Variants in COL24A1 observed in about 807,000 individuals in gnomAD.
COL24A1 encodes collagen type XXIV alpha 1 chain, also known as collagen alpha-1(XXIV) chain.
COL24A1 carries 224 observed loss-of-function variants against 253.9 expected under a neutral mutation model. The observed-to-expected ratio is 0.88, with a 90% confidence interval of 0.79 to 0.99. The LOEUF is 0.99. Ranked by LOEUF, COL24A1 falls within the 50% of genes least tolerant of loss-of-function variation. The pLI, the probability that COL24A1 is intolerant of heterozygous loss-of-function variation, is 0.00. For synonymous variants in COL24A1, 685 were observed against 673.7 expected (o/e 1.02, Z -0.26); for missense variants, 2,131 against 2,068.5 (o/e 1.03, Z -0.59).
chr1:85,923,153 C>T (rs1686733942), intron 24 of COL24A1, among the ~76,000 whole-genome samples: 1 of 152,166 alleles, frequency 6.6e-6, no homozygotes, highest in Non-Finnish European at 1.5e-5. Context: ...AATACAAGAG[C>T]ACCCAGATTC....
intron 5 of COL24A1, among the ~76,000 whole-genome samples, chr1:86,101,390 C>CT (rs1704441448): frequency 6.6e-6 from 1 of 152,140 alleles, no homozygotes; most frequent in Admixed American, 6.5e-5. Context: ...TTTCTCTTGC[C>CT]TATTTTGCTC....
chr1:85,986,848 T>G lies in COL24A1; in HGVS notation c.2364+753A>C, dbSNP rs569582265. On this transcript the variant is annotated intron_variant, in intron 20 of 59. Coordinates refer to ENST00000370571, the MANE Select transcript of COL24A1 (RefSeq NM_152890.7). ...GCAGCTACATTTCATAACTTGCCAA[T>G]TCTCCCAACTTCAGGCTATTTCATC... Among the ~76,000 whole-genome samples the G allele has an allele frequency of 4.6e-5, 7 of 151,992 alleles. No homozygotes were observed. The East Asian group carries it at 9.6e-4, about 21-fold the overall frequency.
rs566573700 is a variant in COL24A1, at chr1:85,902,254, G to T, written c.2778+4940C>A. Among the ~76,000 whole-genome samples the T allele has an allele frequency of 9.2e-5, 14 of 152,240 alleles. No homozygotes were observed. In the East Asian group the frequency reaches 2.1e-3, roughly 23 times the overall value. ...AAGCAATAAAGATCCCTCTGGGAGGGCTACCTTCTCCATACCAGTATGAGA... is the reference window on the plus strand; with the variant it reads ...AAGCAATAAAGATCCCTCTGGGAGGTCTACCTTCTCCATACCAGTATGAGA... On this transcript the variant is annotated intron_variant, in intron 28 of 59. Coordinates refer to ENST00000370571, the MANE Select transcript of COL24A1 (RefSeq NM_152890.7).
At chr1:85,818,964 C>CT (rs1673319382) in intron 45 of COL24A1, among the ~76,000 whole-genome samples, 1 of 152,116 alleles carries the variant, frequency 6.6e-6, no homozygotes, top group Non-Finnish European at 1.5e-5. Flanking sequence ...AAAGATGTTA[C>CT]TTTTTTGACA....
chr1:86,117,977 A>T (rs1436407499), intron 3 of COL24A1, among the ~76,000 whole-genome samples: 1 of 152,088 alleles, frequency 6.6e-6, no homozygotes, highest in Non-Finnish European at 1.5e-5. Context: ...TTTCAGGGTT[A>T]TTGTGAGTAT....
At chr1:86,101,375 A>G (rs1005641916) in intron 5 of COL24A1, among the ~76,000 whole-genome samples, 9 of 152,022 alleles carry the variant, frequency 5.9e-5, no homozygotes, top group African/African-American at 1.9e-4. Context: ...GGTGCCCTTT[A>G]TTTCTTTCTC....
intron 19 of COL24A1, among the ~76,000 whole-genome samples, chr1:86,001,692 GA>G (rs879896269): frequency 1.1e-3 from 167 of 151,618 alleles, no homozygotes; most frequent in Non-Finnish European, 1.8e-3. Flanking sequence ...AATTATAGGG[GA>G]AAAAAAAGAG....
chr1:86,133,894 T>C (rs1649748440), intron 2 of COL24A1, among the ~76,000 whole-genome samples: 1 of 152,156 alleles, frequency 6.6e-6, no homozygotes, highest in African/African-American at 2.4e-5. Flanking sequence ...CCTCTTTTTC[T>C]ATTGATTGGA....
chr1:85,959,424 T>C (rs1690796048), intron 24 of COL24A1, among the ~76,000 whole-genome samples: 1 of 152,100 alleles, frequency 6.6e-6, no homozygotes, highest in Non-Finnish European at 1.5e-5. Flanking sequence ...TGAACTAATA[T>C]TAAAATATCC....
At chr1:85,834,801 T>A (rs1053664291) in intron 43 of COL24A1, among the ~76,000 whole-genome samples, 1 of 152,192 alleles carries the variant, frequency 6.6e-6, no homozygotes, top group African/African-American at 2.4e-5. Flanking sequence ...ATTCCCTCCA[T>A]GTCCTCTGGC....
rs1677288192 is a variant in COL24A1, at chr1:85,847,707, C to T, written c.3420G>A (p.Gly1140=). Residue 1140 remains glycine (G), a synonymous_variant, in exon 39 of 60, where the codon GGG becomes GGA. Transcript: ENST00000370571. ...CTCTGGCACCCTTAGGACCACTTTT[C>T]CCAATTTTTCCAGGAGGACCTCTGC... ...VGSRGPPGKI[G]KSGPKGARGT... is the part of the protein sequence containing the mutation. 6.2e-7 allele frequency: 1 copy of T among 1,613,740 alleles called. No homozygotes were observed. Among genetic ancestry groups the T allele is most frequent in the Non-Finnish European group, 8.5e-7 (1 of 1,179,864 alleles).
chr1:85,878,625 T>TAA (rs1681475800), intron 32 of COL24A1, among the ~76,000 whole-genome samples: 1 of 152,232 alleles, frequency 6.6e-6, no homozygotes, highest in Non-Finnish European at 1.5e-5. Context: ...GATCATATGT[T>TAA]AAGAGTATGC....
At chr1:86,140,668 G>C (rs1650947275) in intron 2 of COL24A1, among the ~76,000 whole-genome samples, 1 of 152,206 alleles carries the variant, frequency 6.6e-6, no homozygotes, top group African/African-American at 2.4e-5. Flanking sequence ...TTAAGAATTA[G>C]TTACACATTA....
chr1:86,109,984 TA>T (rs978999992), intron 5 of COL24A1, among the ~76,000 whole-genome samples: 5 of 152,302 alleles, frequency 3.3e-5, no homozygotes, highest in Non-Finnish European at 5.9e-5. Flanking sequence ...CAGTAGATAC[TA>T]AATCTTCTGG....
At chr1:85,847,353 C>T (rs189471650) in intron 39 of COL24A1, among the ~76,000 whole-genome samples, 22 of 152,300 alleles carry the variant, frequency 1.4e-4, no homozygotes, top group African/African-American at 4.3e-4. Context: ...GATACTAAAT[C>T]CCAATTTTAA....
intron 2 of COL24A1, among the ~76,000 whole-genome samples, chr1:86,130,482 G>A (rs1648990810): frequency 6.6e-6 from 1 of 151,768 alleles, no homozygotes; most frequent in Non-Finnish European, 1.5e-5. Context: ...AGAAGGGTTT[G>A]TATTTTTATT....
chr1:85,919,622 G>A (rs533895306), intron 24 of COL24A1, among the ~76,000 whole-genome samples: 1 of 152,190 alleles, frequency 6.6e-6, no homozygotes, highest in African/African-American at 2.4e-5. Flanking sequence ...GGAGGCTGCA[G>A]TGGAGCAATG....
intron 22 of COL24A1, among the ~76,000 whole-genome samples, chr1:85,967,537 T>C (rs1043111129): frequency 9.2e-5 from 14 of 152,072 alleles, no homozygotes; most frequent in African/African-American, 2.9e-4. Context: ...AAGTTCAAAA[T>C]TGAAAATGAG....
chr1:85,935,735 G>C (rs1688195199), intron 24 of COL24A1, among the ~76,000 whole-genome samples: 1 of 146,936 alleles, frequency 6.8e-6, no homozygotes, highest in African/African-American at 2.5e-5. Flanking sequence ...ATTAATTCGG[G>C]AGCACTTTCC....
Sources: gnomAD v4.1 joint callset for allele counts (sites outside exome capture counted in the v4.1 genomes callset) on GRCh38, gnomAD v4.1.1 for gene constraint, MANE v1.5 for transcripts, NCBI Gene and HGNC (gene_info 2026-07-23, HGNC 2026-07-21) for gene names.